The following TMEM245 variants were observed in gnomAD, a reference collection of about 807,000 sequenced individuals.
TMEM245 encodes the protein transmembrane protein 245.
In TMEM245, 69 loss-of-function variants were observed where a neutral mutation model predicts 101.2. That is an observed-to-expected ratio of 0.68 (90% CI 0.56 to 0.83). The LOEUF (loss-of-function observed/expected upper bound fraction) is 0.83, where lower values mean the gene tolerates loss of function less well. Ranked by LOEUF, TMEM245 falls within the 40% of genes least tolerant of loss-of-function variation. The pLI is 0.00. For missense variants in TMEM245, 1,075 were observed against 1,092.8 expected (o/e 0.98, Z 0.23); for synonymous variants, 537 against 449.8 (o/e 1.19, Z -2.45).
chr9:109,099,921 G>A (rs1830240841), intron 3 of TMEM245, among the ~76,000 whole-genome samples: 1 of 152,136 alleles, frequency 6.6e-6, no homozygotes, highest in Admixed American at 6.6e-5. Context: ...GCCATCTCTT[G>A]CTCGCCCTTG....
Position 109,119,328 on chromosome 9 carries a change from C to A in TMEM245, c.579+7G>T. 2.0e-6 allele frequency: 3 copies of A among 1,524,892 alleles called. No homozygotes were observed. In the South Asian group the frequency reaches 3.6e-5, roughly 18 times the overall value. The allele number at this position is 1,524,892 out of a possible 1,614,324, so 94.5% of individuals were successfully genotyped here. A position where few individuals can be genotyped will look rare whatever the true frequency, so the allele number is the denominator to read the frequency against. ...CGGGGGACGGGGGCGGACTGCCGCT[C>A]ACTCACCCACAGGCTGCTGAAGTAG... On this transcript the variant is annotated splice_region_variant and intron_variant, in intron 1 of 17. Transcript: ENST00000374586.
intron 9 of TMEM245, among the ~76,000 whole-genome samples, chr9:109,066,178 G>C (rs1564188856): frequency 6.6e-6 from 1 of 152,176 alleles, no homozygotes; most frequent in Non-Finnish European, 1.5e-5. Context: ...AGCAAGGCCA[G>C]CACGCTGGCT....
At chr9:109,102,538 T>C (rs1830306090) in intron 3 of TMEM245, among the ~76,000 whole-genome samples, 2 of 152,224 alleles carry the variant, frequency 1.3e-5, no homozygotes, top group African/African-American at 2.4e-5. Flanking sequence ...GTGTATTCAT[T>C]GACACAGAAA....
chr9:109,119,430 G>A lies in TMEM245; in HGVS notation c.484C>T (p.Leu162Phe), dbSNP rs1218285716. 3.3e-6 allele frequency: 5 copies of A among 1,521,086 alleles called. No homozygotes were observed. Among genetic ancestry groups the A allele is most frequent in the South Asian group, 2.4e-5 (2 of 82,994 alleles). The allele number at this position is 1,521,086 out of a possible 1,614,324, so 94.2% of individuals were successfully genotyped here. ...LGAGGPLLYGLYCLGSYLGVQ... is the reference protein window; with the variant it reads ...LGAGGPLLYGFYCLGSYLGVQ... ...CCCAAGTAGCTGCCGAGGCAGTAGAGGCCGTACAGGAGCGGGCCGCCGGCG... is the reference window on the plus strand; with the variant it reads ...CCCAAGTAGCTGCCGAGGCAGTAGAAGCCGTACAGGAGCGGGCCGCCGGCG... Residue 162 changes from leucine to phenylalanine, a missense_variant, in exon 1 of 18, where the codon CTC (leucine) becomes TTC (phenylalanine). Around this residue, in one of 2 missense-constraint regions of TMEM245, gnomAD observed 808 missense variants for 741.5 expected, o/e 1.09. Coordinates refer to ENST00000374586, the MANE Select transcript of TMEM245 (RefSeq NM_032012.4).
chr9:109,102,524 A>G (rs891818025), intron 3 of TMEM245, among the ~76,000 whole-genome samples: 5 of 152,252 alleles, frequency 3.3e-5, no homozygotes, highest in African/African-American at 7.2e-5. Flanking sequence ...ATAATGCTCT[A>G]TAAGTGTATT....
chr9:109,025,118 T>A (rs146460053), intron 17 of TMEM245, among the ~76,000 whole-genome samples: 1 of 152,196 alleles, frequency 6.6e-6, no homozygotes, highest in Non-Finnish European at 1.5e-5. Context: ...AGCCCCAGTT[T>A]ACTCTCTTTT....
intron 3 of TMEM245, 94 bp from the exon 4 acceptor site, chr9:109,093,685 T>C (rs1014887081): frequency 2.0e-6 from 2 of 1,008,852 alleles, no homozygotes; most frequent in East Asian, 2.4e-5. Flanking sequence ...AACAACAAAA[T>C]AAAATGGTTA....
Position 109,015,575 on chromosome 9 carries a change from C to T in TMEM245, c.*4885G>A, listed in dbSNP as rs1271349996. ...TCAGGATTTGCTTCCATACTTTTCA[C>T]TGTAAAATAAAAAGCTAGCAAAAAG... On this transcript the variant is annotated 3_prime_UTR_variant, in exon 18 of 18. Transcript: ENST00000374586. 6.6e-6 allele frequency: 1 copy of T among 152,594 alleles called. No individual in the cohort carries two copies. The highest frequency in any genetic ancestry group is 2.4e-5 in the African/African-American group (1 of 41,432). The allele number at this position is 152,594 out of a possible 1,614,324, so 9.5% of individuals were successfully genotyped here. A position where few individuals can be genotyped will look rare whatever the true frequency, so the allele number is the denominator to read the frequency against.
At chr9:109,035,156 C>CA (rs778574292) in intron 16 of TMEM245, among the ~76,000 whole-genome samples, 6,362 of 50,806 alleles carry the variant, frequency 0.13, 649 homozygotes, top group East Asian at 0.23. Flanking sequence ...GACTCTGTCT[C>CA]AAAAAAAAAA....
intron 3 of TMEM245, among the ~76,000 whole-genome samples, chr9:109,101,387 C>T (rs925095086): frequency 6.6e-6 from 1 of 152,140 alleles, no homozygotes; most frequent in Non-Finnish European, 1.5e-5. Flanking sequence ...CATTCCTGTA[C>T]CTACCTATAT....
At chr9:109,036,142 T>TA (rs1219030219) in intron 16 of TMEM245, 64 bp downstream of exon 16, 32 of 1,347,994 alleles carry the variant, frequency 2.4e-5, no homozygotes, top group Non-Finnish European at 2.6e-5. Context: ...AAATCCTCCT[T>TA]TAAAAAAAAA....
chr9:109,094,507 G>A (rs1466358539), intron 3 of TMEM245, among the ~76,000 whole-genome samples: 1 of 152,168 alleles, frequency 6.6e-6, no homozygotes, highest in African/African-American at 2.4e-5. Flanking sequence ...TGGTTTTTCC[G>A]CAGCAACTTA....
Position 109,093,455 on chromosome 9 carries a change from G to T in TMEM245, c.916+20C>A, listed in dbSNP as rs1830060837. The stretch of plus-strand genomic sequence containing the variant: ...TTCATTTTCCAGAATAACCTTGAAT[G>T]TCACCAGAACATCAGTCACCTGCAG... On this transcript the variant is annotated intron_variant, in intron 4 of 17. Coordinates refer to ENST00000374586, the MANE Select transcript of TMEM245 (RefSeq NM_032012.4). 2 of 1,586,196 alleles carry T rather than the reference G, an allele frequency of 1.3e-6. No individual in the cohort carries two copies. The highest frequency in any genetic ancestry group is 1.7e-6 in the Non-Finnish European group (2 of 1,161,418).
intron 3 of TMEM245, among the ~76,000 whole-genome samples, chr9:109,103,825 C>T (rs1830339028): frequency 6.6e-6 from 1 of 152,098 alleles, no homozygotes; most frequent in Non-Finnish European, 1.5e-5. Context: ...GTGGCTCATG[C>T]CTGTAATCTC....
intron 1 of TMEM245, among the ~76,000 whole-genome samples, chr9:109,117,888 T>C (rs1375557450): frequency 4.6e-5 from 7 of 152,238 alleles, no homozygotes; most frequent in African/African-American, 7.2e-5. Flanking sequence ...TGTTCTGCCT[T>C]CTAGCTAAGA....
chr9:109,082,635 T>C (rs2132528552), intron 7 of TMEM245, among the ~76,000 whole-genome samples: 1 of 135,886 alleles, frequency 7.4e-6, no homozygotes, highest in East Asian at 2.1e-4. Context: ...TTTCTGAAAA[T>C]AATGTAGAGC....
chr9:109,036,224 A>T lies in TMEM245; in HGVS notation c.2381T>A (p.Ile794Asn), dbSNP rs1342556497. Reference sequence around the variant, plus strand: ...TACTTACCCTGATATGTCAGAGTAGATTGCAGTATCTACAAAGTATGTTGG... The same window carrying T: ...TACTTACCCTGATATGTCAGAGTAGTTTGCAGTATCTACAAAGTATGTTGG... ...LLPTYFVDTA[I>N]YSDISGGGHP... is the part of the protein sequence containing the mutation. The change falls in exon 16 of 18, where the codon ATC becomes AAC. Residue 794 changes from isoleucine to asparagine, a missense_variant. Physicochemically the swap from Ile to Asn is moderately radical, Grantham distance 149. Transcript: ENST00000374586. 1.2e-6 allele frequency: 2 copies of T among 1,611,210 alleles called. No homozygotes were observed. Among genetic ancestry groups the T allele is most frequent in the African/African-American group, 2.7e-5 (2 of 74,678 alleles).
At chr9:109,073,866 T>TTC (rs1554723990) in intron 8 of TMEM245, among the ~76,000 whole-genome samples, 29 of 149,186 alleles carry the variant, frequency 1.9e-4, no homozygotes, top group South Asian at 4.3e-4. Context: ...GTTTTTTTTT[T>TTC]TTTTTTTTTA....
At chr9:109,024,800 G>A (rs989296854) in intron 17 of TMEM245, among the ~76,000 whole-genome samples, 1 of 152,222 alleles carries the variant, frequency 6.6e-6, no homozygotes, top group Admixed American at 6.5e-5. Flanking sequence ...TGAATCTGGA[G>A]AAGTAGAGAG....
Sources: allele counts gnomAD v4.1 joint callset (sites outside exome capture counted in the v4.1 genomes callset), GRCh38; gene constraint gnomAD v4.1.1; regional missense constraint gnomAD v4.1.1; transcripts MANE v1.5; gene names NCBI Gene and HGNC (gene_info 2026-07-23, HGNC 2026-07-21).